Variants in NBEA observed in about 807,000 individuals in gnomAD.
NBEA encodes lysosomal-trafficking regulator 2.
NBEA carries 44 observed loss-of-function variants against 343.4 expected under a neutral mutation model. That is an observed-to-expected ratio of 0.13 (90% CI 0.10 to 0.16). The LOEUF (loss-of-function observed/expected upper bound fraction) is 0.16. Among genes scored for constraint, NBEA ranks in the 10% least tolerant of loss-of-function variants. NBEA has a pLI of 1.00. For synonymous variants in NBEA, 1,175 were observed against 1,238.7 expected, an observed-to-expected ratio of 0.95 and a Z score of 1.08; for missense variants, 2,555 against 3,631.3, an observed-to-expected ratio of 0.70 and a Z score of 7.62.
chr13:34,968,721 A>G (rs1235608388), intron 1 of NBEA, among the ~76,000 whole-genome samples: 2 of 152,150 alleles, frequency 1.3e-5, no homozygotes, highest in African/African-American at 4.8e-5. Flanking sequence ...TGTTTCTTCT[A>G]TTTATTTTAA....
chr13:35,243,201 T>A (rs1243693838), intron 34 of NBEA, among the ~76,000 whole-genome samples: 1 of 151,832 alleles, frequency 6.6e-6, no homozygotes, highest in African/African-American at 2.4e-5. Context: ...GTTGTTCAGT[T>A]TAAAATGAAC....
In NBEA at chr13:35,497,137, C is replaced by A. The variant is rs141958577; in HGVS notation, c.6585+24601C>A. Among the ~76,000 whole-genome samples the A allele has an allele frequency of 6.1e-3, 921 of 152,128 alleles. 7 individuals are homozygous for A. The highest frequency in any genetic ancestry group is 0.021 in the African/African-American group (889 of 41,526). On this transcript the variant is annotated intron_variant, in intron 41 of 58. Transcript: ENST00000379939. The stretch of plus-strand genomic sequence containing the variant: ...GGATATGATCACCAGTCCAGGATCA[C>A]CTCCAATAGGTTATCTCATAAGCTG...
chr13:35,412,954 G>A (rs2043681316), intron 38 of NBEA, among the ~76,000 whole-genome samples: 1 of 152,136 alleles, frequency 6.6e-6, no homozygotes, highest in Non-Finnish European at 1.5e-5. Flanking sequence ...AGGGATTAAT[G>A]AAAAGTAGTT....
intron 41 of NBEA, among the ~76,000 whole-genome samples, chr13:35,487,023 G>A (rs1439972216): frequency 2.6e-5 from 4 of 151,712 alleles, no homozygotes; most frequent in East Asian, 1.9e-4. Context: ...TTTTATAAAG[G>A]TTTATCCATA....
intron 40 of NBEA, among the ~76,000 whole-genome samples, chr13:35,467,590 C>T (rs1428301356): frequency 6.6e-6 from 1 of 151,946 alleles, no homozygotes; most frequent in Non-Finnish European, 1.5e-5. Context: ...AAAATTTACT[C>T]CCTTATTATA....
chr13:35,606,368 T>A, intron 47 of NBEA, 58 bp from the exon 48 acceptor site: 1 of 1,020,158 alleles, frequency 9.8e-7, no homozygotes. Flanking sequence ...AAGTTAATAG[T>A]TTTATTCAAC....
chr13:34,953,073 G>C (rs540449690), intron 1 of NBEA, among the ~76,000 whole-genome samples: 4 of 152,268 alleles, frequency 2.6e-5, no homozygotes, highest in African/African-American at 9.6e-5. Context: ...TGATGACAGT[G>C]ATAGAATCTT....
intron 41 of NBEA, among the ~76,000 whole-genome samples, chr13:35,540,644 AGTTT>A (rs373055179): frequency 7.6e-4 from 115 of 152,310 alleles, no homozygotes; most frequent in Middle Eastern, 3.4e-3. Context: ...GCTGCAACTC[AGTTT>A]GTTTGTAAAT....
intron 35 of NBEA, among the ~76,000 whole-genome samples, chr13:35,307,171 G>A (rs1225098699): frequency 2.0e-5 from 3 of 151,410 alleles, no homozygotes; most frequent in African/African-American, 4.9e-5. Context: ...ATCTAGTCTC[G>A]GCATCTCTTC....
At chr13:34,976,814 C>CT (rs1317634170) in intron 1 of NBEA, among the ~76,000 whole-genome samples, 16 of 151,596 alleles carry the variant, frequency 1.1e-4, no homozygotes, top group Admixed American at 1.1e-3. Context: ...TGTTTTATTT[C>CT]TTTTGTTCAT....
At chr13:35,341,469 A>G (rs2039580092) in intron 36 of NBEA, among the ~76,000 whole-genome samples, 1 of 152,062 alleles carries the variant, frequency 6.6e-6, no homozygotes, top group Non-Finnish European at 1.5e-5. Context: ...AGCAGAATTG[A>G]AATCAATGTT....
chr13:35,124,733 T>A, intron 17 of NBEA, among the ~76,000 whole-genome samples: 1 of 151,658 alleles, frequency 6.6e-6, no homozygotes, highest in Admixed American at 6.6e-5. Flanking sequence ...TACACATATG[T>A]ATGGATATAT....
chr13:35,378,123 G>A (rs1050568406), intron 38 of NBEA, among the ~76,000 whole-genome samples: 3 of 152,166 alleles, frequency 2.0e-5, no homozygotes, highest in Non-Finnish European at 2.9e-5. Context: ...GAATACTTAC[G>A]TGTATGTATG....
At chr13:35,422,134 G>T (rs2044318099) in intron 38 of NBEA, among the ~76,000 whole-genome samples, 2 of 146,816 alleles carry the variant, frequency 1.4e-5, no homozygotes, top group South Asian at 2.2e-4. Flanking sequence ...CACATGCAGA[G>T]CATCTTTTTT....
intron 38 of NBEA, among the ~76,000 whole-genome samples, chr13:35,353,738 C>G (rs966958080): frequency 1.3e-5 from 2 of 152,084 alleles, no homozygotes; most frequent in Non-Finnish European, 2.9e-5. Context: ...GAGGTATTCT[C>G]CATTTTACCG....
At chr13:35,317,921 G>C (rs1412783693) in intron 36 of NBEA, among the ~76,000 whole-genome samples, 1 of 152,178 alleles carries the variant, frequency 6.6e-6, no homozygotes, top group East Asian at 1.9e-4. Flanking sequence ...TGGTGTATAG[G>C]AATGCTTGAG....
chr13:35,377,749 A>G (rs546104998), intron 38 of NBEA, among the ~76,000 whole-genome samples: 1 of 152,326 alleles, frequency 6.6e-6, no homozygotes, highest in South Asian at 2.1e-4. Flanking sequence ...CTTGCCTTCC[A>G]GTAACTTCAC....
At chr13:35,404,531 C>T (rs955070739) in intron 38 of NBEA, among the ~76,000 whole-genome samples, 9 of 145,902 alleles carry the variant, frequency 6.2e-5, no homozygotes, top group Non-Finnish European at 1.0e-4. Context: ...CATATTCTTA[C>T]TCATAGGTGG....
intron 34 of NBEA, among the ~76,000 whole-genome samples, chr13:35,238,200 T>G (rs1488945381): frequency 6.6e-6 from 1 of 152,224 alleles, no homozygotes; most frequent in East Asian, 1.9e-4. Context: ...CTGTGAGCAT[T>G]GTTTATGTTC....
Sources: gnomAD v4.1 joint callset for allele counts (sites outside exome capture counted in the v4.1 genomes callset) on GRCh38, gnomAD v4.1.1 for gene constraint, MANE v1.5 for transcripts, NCBI Gene and HGNC (gene_info 2026-07-23, HGNC 2026-07-21) for gene names.